Variants in PTPRN2 observed in about 807,000 individuals in gnomAD.
The protein encoded by PTPRN2 is protein tyrosine phosphatase receptor type N2.
A neutral mutation model predicts 118.8 loss-of-function variants in PTPRN2; 74 were observed. The ratio of observed to expected loss-of-function variants is 0.62; its 90% CI spans 0.52 to 0.76. The LOEUF (loss-of-function observed/expected upper bound fraction) is 0.76. PTPRN2 is among the 30% of genes least tolerant of loss of function. The pLI is 0.00. For synonymous variants in PTPRN2, 641 were observed against 608.0 expected (o/e 1.05, Z -0.80); for missense variants, 1,481 against 1,394.4 (o/e 1.06, Z -0.99).
intron 2 of PTPRN2, among the ~76,000 whole-genome samples, chr7:158,448,191 GAC>G (rs928425813): frequency 2.0e-5 from 3 of 152,252 alleles, no homozygotes; most frequent in African/African-American, 7.2e-5. Flanking sequence ...GAGTGGCCCA[GAC>G]ACAGGAGCAG....
intron 12 of PTPRN2, among the ~76,000 whole-genome samples, chr7:157,887,694 GTAAC>G (rs1796557588): frequency 1.4e-4 from 1 of 7,302 alleles, no homozygotes. Flanking sequence ...CGCTCCCCCA[GTAAC>G]TGCTCCATTA....
intron 12 of PTPRN2, among the ~76,000 whole-genome samples, chr7:157,720,324 G>A (rs555547597): frequency 8.5e-5 from 13 of 152,280 alleles, no homozygotes; most frequent in South Asian, 2.1e-4. Flanking sequence ...CTCGGCTGCC[G>A]CAATCGGTCA....
chr7:157,833,807 T>C (rs951983583), intron 12 of PTPRN2, among the ~76,000 whole-genome samples: 2 of 152,222 alleles, frequency 1.3e-5, no homozygotes, highest in African/African-American at 2.4e-5. Context: ...CTCTCATCCA[T>C]GGACATTTTA....
Position 157,692,184 on chromosome 7 carries a change from G to C in PTPRN2, c.1789-9247C>G, listed in dbSNP as rs529516053. On this transcript the variant is annotated intron_variant, in intron 12 of 22. Transcript: ENST00000389418. Reference sequence around the variant, plus strand: ...CGCCTGGCCATTGTTCCCTGCGCCCGGGACAGCTGGAGACGGCGGCCCGCG... The same window carrying C: ...CGCCTGGCCATTGTTCCCTGCGCCCCGGACAGCTGGAGACGGCGGCCCGCG... Among the ~76,000 whole-genome samples the C allele has an allele frequency of 3.4e-3, 520 of 151,832 alleles. 1 individual carries two copies. The highest frequency in any genetic ancestry group is 0.012 in the African/African-American group (491 of 41,380).
chr7:157,934,150 G>A (rs1024819416), intron 11 of PTPRN2, among the ~76,000 whole-genome samples: 4 of 152,180 alleles, frequency 2.6e-5, no homozygotes, highest in Admixed American at 6.5e-5. Context: ...CGCTGGTGAC[G>A]TTCACTGGTA....
Position 157,795,108 on chromosome 7 carries a change from G to C in PTPRN2, c.1788+103565C>G, listed in dbSNP as rs77274167. 1.9e-4 allele frequency among the ~76,000 whole-genome samples: 26 copies of C among 134,358 alleles called. 1 individual carries two copies. The East Asian group carries it at 6.2e-3, about 32-fold the overall frequency. The allele number at this position is 134,358 out of a possible 152,430, so 88.1% of individuals were successfully genotyped here. A position where few individuals can be genotyped will look rare whatever the true frequency, so the allele number is the denominator to read the frequency against. ...CCTGTGCACCTGGGAGGCTCCTGGG[G>C]CTCAAGCTCAAAGCCCCCTCACCTG... On this transcript the variant is annotated intron_variant, in intron 12 of 22. Coordinates refer to ENST00000389418, the MANE Select transcript of PTPRN2 (RefSeq NM_002847.5).
chr7:157,805,590 C>T (rs1039845622), intron 12 of PTPRN2, among the ~76,000 whole-genome samples: 2 of 152,174 alleles, frequency 1.3e-5, no homozygotes, highest in African/African-American at 2.4e-5. Flanking sequence ...AAGTCATTAA[C>T]GTTGTGTCGT....
At chr7:157,879,024 G>A (rs1441940326) in intron 12 of PTPRN2, among the ~76,000 whole-genome samples, 7 of 146,754 alleles carry the variant, frequency 4.8e-5, no homozygotes, top group African/African-American at 1.8e-4. Flanking sequence ...AAGGGTCAGT[G>A]TGATACCGTG....
intron 11 of PTPRN2, among the ~76,000 whole-genome samples, chr7:157,971,552 C>A (rs1442993261): frequency 6.6e-6 from 1 of 152,110 alleles, no homozygotes; most frequent in African/African-American, 2.4e-5. Context: ...GACCAGGAAC[C>A]CCCCTGGAAC....
chr7:157,673,781 C>T (rs527570209), intron 13 of PTPRN2, among the ~76,000 whole-genome samples: 36 of 152,250 alleles, frequency 2.4e-4, no homozygotes, highest in African/African-American at 7.7e-4. Context: ...GAACCCCACG[C>T]GGCACCCAGG....
chr7:157,558,291 T>C (rs1190164156), intron 21 of PTPRN2, among the ~76,000 whole-genome samples: 6 of 151,966 alleles, frequency 3.9e-5, no homozygotes, highest in Non-Finnish European at 8.8e-5. Context: ...AGAAGAGGTT[T>C]GGGAGCAGCA....
chr7:157,696,898 C>T (rs1797816424), intron 12 of PTPRN2, among the ~76,000 whole-genome samples: 1 of 113,040 alleles, frequency 8.8e-6, no homozygotes, highest in Non-Finnish European at 1.8e-5. Flanking sequence ...ACCGTCTACC[C>T]ATGCATACTG....
chr7:157,633,531 G>C (rs1268585599), intron 14 of PTPRN2, among the ~76,000 whole-genome samples: 1 of 152,226 alleles, frequency 6.6e-6, no homozygotes, highest in Non-Finnish European at 1.5e-5. Context: ...TGAGTAGTAA[G>C]AAGATGCGGA....
chr7:157,866,839 C>T (rs1274353325), intron 12 of PTPRN2, among the ~76,000 whole-genome samples: 1 of 102,798 alleles, frequency 9.7e-6, no homozygotes, highest in African/African-American at 3.8e-5. Context: ...CGCCCCCCCC[C>T]GACGCCCTGG....
At chr7:157,721,848 C>T (rs1278021930) in intron 12 of PTPRN2, among the ~76,000 whole-genome samples, 1 of 152,208 alleles carries the variant, frequency 6.6e-6, no homozygotes, top group African/African-American at 2.4e-5. Flanking sequence ...CAGACCCTTC[C>T]ATTTTATTCA....
intron 19 of PTPRN2, among the ~76,000 whole-genome samples, chr7:157,571,720 C>T (rs1799767182): frequency 6.6e-6 from 1 of 152,196 alleles, no homozygotes; most frequent in Non-Finnish European, 1.5e-5. Flanking sequence ...CTCTACACTG[C>T]TTTCTTCTTC....
intron 2 of PTPRN2, among the ~76,000 whole-genome samples, chr7:158,473,807 A>C (rs959593314): frequency 7.9e-5 from 12 of 151,728 alleles, no homozygotes; most frequent in Non-Finnish European, 1.6e-4. Flanking sequence ...TTTTAAAAAA[A>C]GGTTGGCTAT....
chr7:157,552,757 A>C, intron 21 of PTPRN2, among the ~76,000 whole-genome samples: 1 of 152,178 alleles, frequency 6.6e-6, no homozygotes, highest in East Asian at 1.9e-4. Flanking sequence ...GTGTCACATG[A>C]CGTGGGGAAG....
chr7:158,125,854 G>T (rs1203247995), intron 9 of PTPRN2, among the ~76,000 whole-genome samples: 1 of 152,128 alleles, frequency 6.6e-6, no homozygotes, highest in African/African-American at 2.4e-5. Flanking sequence ...AAGGAAGGAC[G>T]AGCAGGAAGC....
Sources: allele counts gnomAD v4.1 joint callset (sites outside exome capture counted in the v4.1 genomes callset), GRCh38; gene constraint gnomAD v4.1.1; transcripts MANE v1.5; gene names NCBI Gene and HGNC (gene_info 2026-07-23, HGNC 2026-07-21).